The following NRSN1 variants were observed in gnomAD, a reference collection of about 807,000 sequenced individuals.
The protein encoded by NRSN1 is neurensin-1.
In NRSN1, 14 loss-of-function variants were observed where a neutral mutation model predicts 17.3. The ratio of observed to expected loss-of-function variants is 0.81; its 90% CI spans 0.54 to 1.27. NRSN1 has a LOEUF of 1.27. Among genes scored for constraint, NRSN1 ranks in the 50% most tolerant of loss-of-function variants. NRSN1 has a pLI of 0.00. For synonymous variants in NRSN1, 79 were observed against 94.2 expected, an observed-to-expected ratio of 0.84 and a Z score of 0.93; for missense variants, 209 against 235.9, an observed-to-expected ratio of 0.89 and a Z score of 0.75.
At chr6:24,133,957 C>T (rs796152432) in intron 2 of NRSN1, among the ~76,000 whole-genome samples, 1 of 151,862 alleles carries the variant, frequency 6.6e-6, no homozygotes, top group African/African-American at 2.4e-5. Context: ...CTGCCTCAGC[C>T]TCCCAAGTAG....
intron 2 of NRSN1, among the ~76,000 whole-genome samples, chr6:24,132,818 A>G (rs935450678): frequency 2.0e-5 from 3 of 152,098 alleles, no homozygotes; most frequent in African/African-American, 7.2e-5. Context: ...TGCATTAGGT[A>G]TTTGTCCTAA....
chr6:24,140,927 GA>G (rs754962534), intron 3 of NRSN1: 22 of 1,310,032 alleles, frequency 1.7e-5, no homozygotes, highest in Non-Finnish European at 2.1e-5. Context: ...CCAGCAGCAG[GA>G]ACTGGGTTTT....
At chr6:24,131,397 A>ATT (rs759824793) in intron 2 of NRSN1, among the ~76,000 whole-genome samples, 6 of 151,628 alleles carry the variant, frequency 4.0e-5, no homozygotes, top group African/African-American at 9.7e-5. Context: ...GCTATGAGGG[A>ATT]TTTTTTTTTA....
intron 3 of NRSN1, among the ~76,000 whole-genome samples, chr6:24,142,190 G>GTTTTTTTTT (rs1554140614): frequency 1.0e-4 from 2 of 20,054 alleles, no homozygotes; most frequent in Non-Finnish European, 3.1e-4. Context: ...ATACAGAACA[G>GTTTTTTTTT]CTTTTTTTTT....
At chr6:24,136,807 G>A (rs1760124881) in intron 3 of NRSN1, among the ~76,000 whole-genome samples, 1 of 152,128 alleles carries the variant, frequency 6.6e-6, no homozygotes, top group African/African-American at 2.4e-5. Flanking sequence ...ATTTACTGCT[G>A]TGCTGGAGTC....
intron 3 of NRSN1, among the ~76,000 whole-genome samples, chr6:24,144,661 C>T (rs962687944): frequency 6.6e-6 from 1 of 152,034 alleles, no homozygotes; most frequent in Non-Finnish European, 1.5e-5. Flanking sequence ...TAGCCAGGAG[C>T]GGGGGTCATG....
At position 24,146,494 on chromosome 6, in the gene NRSN1, C is replaced by T; in HGVS notation, c.*548C>T. The T allele has an allele frequency of 2.9e-6, 1 of 341,754 alleles. No individual in the cohort carries two copies. The highest frequency in any genetic ancestry group is 5.7e-6 in the Non-Finnish European group (1 of 174,902). The allele number at this position is 341,754 out of a possible 1,614,324, so 21.2% of individuals were successfully genotyped here. The stretch of plus-strand genomic sequence containing the variant: ...TTGGATACAAAGTTATCAGCATTCA[C>T]AAATCTTTTTGTTTTCTCCATTTTT... On this transcript the variant is annotated 3_prime_UTR_variant, in exon 4 of 4. Coordinates refer to ENST00000378491, the MANE Select transcript of NRSN1 (RefSeq NM_080723.5).
Position 24,145,575 on chromosome 6 carries a change from G to A in NRSN1, c.217G>A (p.Val73Met). 1.9e-6 allele frequency: 3 copies of A among 1,599,318 alleles called. No homozygotes were observed. The highest frequency in any genetic ancestry group is 2.6e-6 in the Non-Finnish European group (3 of 1,171,492). ...KVGLISGTVF[V>M]ILGLTVLAVG... Reference sequence around the variant, plus strand: ...TGGACTCATCTCAGGTACAGTTTTTGTGATCCTCGGATTGACTGTTCTGGC... The same window carrying A: ...TGGACTCATCTCAGGTACAGTTTTTATGATCCTCGGATTGACTGTTCTGGC... Residue 73 changes from valine (V) to methionine (M), a missense_variant, in exon 4 of 4, where the codon GTG becomes ATG. Coordinates refer to ENST00000378491, the MANE Select transcript of NRSN1 (RefSeq NM_080723.5). The surrounding 1 kb of genome is among the most constrained non-coding windows in gnomAD (Gnocchi z 4.4).
intron 3 of NRSN1, among the ~76,000 whole-genome samples, chr6:24,137,267 A>G (rs1266509247): frequency 6.6e-6 from 1 of 152,224 alleles, no homozygotes; most frequent in Non-Finnish European, 1.5e-5. Flanking sequence ...GGTCTGAGTT[A>G]GAATCTTTAT....
intron 3 of NRSN1, among the ~76,000 whole-genome samples, chr6:24,139,626 A>G (rs1293557241): frequency 6.6e-6 from 1 of 152,184 alleles, no homozygotes; most frequent in Non-Finnish European, 1.5e-5. Flanking sequence ...TGTCAGAAAT[A>G]TGGTCTAGAG....
intron 3 of NRSN1, among the ~76,000 whole-genome samples, chr6:24,141,786 G>A (rs992017181): frequency 2.4e-4 from 36 of 152,208 alleles, no homozygotes; most frequent in Admixed American, 1.7e-3. Flanking sequence ...GTGTTCAGCA[G>A]TCTGATGGTT....
chr6:24,144,376 G>A, intron 3 of NRSN1, among the ~76,000 whole-genome samples: 1 of 150,170 alleles, frequency 6.7e-6, no homozygotes, highest in African/African-American at 2.4e-5. Context: ...CCTATATGTT[G>A]AACAAGTTGG....
At chr6:24,126,931 G>A (rs1466869222) in intron 1 of NRSN1, among the ~76,000 whole-genome samples, 4 of 152,232 alleles carry the variant, frequency 2.6e-5, no homozygotes, top group South Asian at 2.1e-4. Context: ...TGTTTGATTG[G>A]TTCCTGGCAC....
intron 3 of NRSN1, chr6:24,141,246 T>C: frequency 7.9e-7 from 1 of 1,266,080 alleles, no homozygotes; most frequent in African/African-American, 1.5e-5. Flanking sequence ...CTGGGACCAA[T>C]TCGACTTTGA....
At chr6:24,127,746 A>C (rs1759969774) in intron 1 of NRSN1, among the ~76,000 whole-genome samples, 1 of 152,254 alleles carries the variant, frequency 6.6e-6, no homozygotes, top group Non-Finnish European at 1.5e-5. Flanking sequence ...AAAAAGATCC[A>C]TTCTGAAGTA....
Position 24,134,530 on chromosome 6 carries a change from A to G in NRSN1, c.189+14A>G. 1 of 1,611,180 alleles carries G rather than the reference A, an allele frequency of 6.2e-7. No homozygotes were observed. The highest frequency in any genetic ancestry group is 8.5e-7 in the Non-Finnish European group (1 of 1,177,968). On this transcript the variant is annotated intron_variant, in intron 3 of 3. Transcript: ENST00000378491. Reference sequence around the variant, plus strand: ...GTATTCTGGAAGGTAAGGAAGGAGCATGTGTTTAACTTAGGGAATGGAAAA... The same window carrying G: ...GTATTCTGGAAGGTAAGGAAGGAGCGTGTGTTTAACTTAGGGAATGGAAAA...
At chr6:24,144,428 G>A (rs1394171495) in intron 3 of NRSN1, among the ~76,000 whole-genome samples, 1 of 152,172 alleles carries the variant, frequency 6.6e-6, no homozygotes, top group Non-Finnish European at 1.5e-5. Flanking sequence ...CACCATAGGG[G>A]ACTGTGGGGC....
rs774225831 is a variant in NRSN1, at chr6:24,140,789, G to T, written c.190-4759G>T. On this transcript the variant is annotated intron_variant, in intron 3 of 3. Coordinates refer to ENST00000378491, the MANE Select transcript of NRSN1 (RefSeq NM_080723.5). Reference sequence around the variant, plus strand: ...CTATTGGAGTAAACTGCATTTTCAGGCCTCATCAGCTCACTGGGAAACAAT... The same window carrying T: ...CTATTGGAGTAAACTGCATTTTCAGTCCTCATCAGCTCACTGGGAAACAAT... 4 of 1,183,492 alleles carry T rather than the reference G, an allele frequency of 3.4e-6. No homozygotes were observed. In the South Asian group the frequency reaches 1.6e-4, roughly 48 times the overall value. 73.3% of individuals were successfully genotyped at this position (1,183,492 alleles called of 1,614,324 possible).
intron 3 of NRSN1, among the ~76,000 whole-genome samples, chr6:24,142,997 T>C (rs34226409): frequency 0.085 from 12,989 of 152,166 alleles, 637 homozygotes; most frequent in Middle Eastern, 0.14. Context: ...TTACAAACCC[T>C]TAGCTAGACA....
Sources: allele counts gnomAD v4.1 joint callset (sites outside exome capture counted in the v4.1 genomes callset), GRCh38; gene constraint gnomAD v4.1.1; non-coding constraint Gnocchi (gnomAD v3.1); transcripts MANE v1.5; gene names NCBI Gene and HGNC (gene_info 2026-07-23, HGNC 2026-07-21).